Variants in ITPR1 observed in about 807,000 individuals in gnomAD.
The protein encoded by ITPR1 is inositol 1,4,5-trisphosphate-gated calcium channel ITPR1.
In ITPR1, 96 loss-of-function variants were observed where a neutral mutation model predicts 318.4. The observed-to-expected ratio is 0.30, with a 90% CI of 0.26 to 0.36. The LOEUF (loss-of-function observed/expected upper bound fraction) is 0.36. Among genes scored for constraint, ITPR1 ranks in the 10% least tolerant of loss-of-function variants. ITPR1 has a pLI of 1.00. For synonymous variants in ITPR1, 1,312 were observed against 1,289.9 expected, an observed-to-expected ratio of 1.02 and a Z score of -0.37; for missense variants, 2,440 against 3,460.2, an observed-to-expected ratio of 0.71 and a Z score of 7.40.
At chr3:4,641,431 C>T (rs4685783) in intron 6 of ITPR1, among the ~76,000 whole-genome samples, 116,125 of 152,216 alleles carry the variant, frequency 0.76, 45,475 homozygotes, top group East Asian at 1. Flanking sequence ...AGCTGGAGTA[C>T]AGTGGTGTGA....
intron 2 of ITPR1, among the ~76,000 whole-genome samples, chr3:4,499,025 C>A (rs2080819602): frequency 2.0e-5 from 3 of 152,178 alleles, no homozygotes; most frequent in Non-Finnish European, 4.4e-5. Flanking sequence ...TCATGTAGCA[C>A]ACACCTTGGA....
intron 2 of ITPR1, among the ~76,000 whole-genome samples, chr3:4,495,090 G>A (rs537579988): frequency 1.1e-4 from 16 of 152,276 alleles, no homozygotes; most frequent in African/African-American, 3.9e-4. Context: ...TTGTTTTGGG[G>A]CCCGTGGTGG....
chr3:4,679,543 T>A (rs191035836), intron 24 of ITPR1, among the ~76,000 whole-genome samples: 1 of 152,310 alleles, frequency 6.6e-6, no homozygotes, highest in Admixed American at 6.5e-5. Flanking sequence ...TTCCTCCACC[T>A]GTTTGCTCTA....
chr3:4,678,182 A>T (rs1236525600), intron 24 of ITPR1, among the ~76,000 whole-genome samples: 1 of 152,210 alleles, frequency 6.6e-6, no homozygotes, highest in African/African-American at 2.4e-5. Context: ...AAAGTCATGT[A>T]ATTAGGACGA....
intron 21 of ITPR1, 59 bp downstream of exon 21, chr3:4,673,446 C>A: frequency 7.0e-7 from 1 of 1,428,536 alleles, no homozygotes. Flanking sequence ...TAGATAGCCC[C>A]ATATGGTCTC....
In ITPR1 at chr3:4,779,848, CTTTCAATGGCAAAACCACTATTACTTTT is replaced by C. The variant is rs1399418036; in HGVS notation, c.6387+204_6387+231del. Among the ~76,000 whole-genome samples the C allele has an allele frequency of 2.1e-4, 31 of 146,730 alleles. No individual in the cohort carries two copies. Among genetic ancestry groups the C allele is most frequent in the African/African-American group, 7.2e-4 (29 of 40,274 alleles). ...AAAGTAATCGCGGTTTTTGCTATTACTTTCAATGGCAAAACCACTATTACTTTTGCCGTTGAAAGTAATGGCAAAAACC... is the reference window on the plus strand; with the variant it reads ...AAAGTAATCGCGGTTTTTGCTATTACGCCGTTGAAAGTAATGGCAAAAACC... On this transcript the variant is annotated intron_variant, in intron 49 of 61. Transcript: ENST00000649015. The surrounding 1 kb of genome is among the most constrained non-coding windows in gnomAD (Gnocchi z 4.0).
At chr3:4,600,561 C>G (rs905094361) in intron 4 of ITPR1, among the ~76,000 whole-genome samples, 2 of 151,994 alleles carry the variant, frequency 1.3e-5, no homozygotes. Flanking sequence ...TAATTTTTCG[C>G]CTCTAAATTG....
intron 4 of ITPR1, among the ~76,000 whole-genome samples, chr3:4,597,468 C>T (rs930089791): frequency 3.3e-5 from 5 of 152,056 alleles, no homozygotes; most frequent in South Asian, 2.1e-4. Context: ...AAGGAAATGA[C>T]ACAGTAATCC....
chr3:4,495,631 GC>G (rs2080494036), intron 2 of ITPR1, among the ~76,000 whole-genome samples: 1 of 152,316 alleles, frequency 6.6e-6, no homozygotes, highest in African/African-American at 2.4e-5. Context: ...CTAACTGGTT[GC>G]TAAAAATAAT....
intron 58 of ITPR1, 72 bp downstream of exon 58, chr3:4,814,634 G>C (rs971075422): frequency 2.2e-6 from 3 of 1,371,380 alleles, no homozygotes; most frequent in African/African-American, 1.4e-5. Context: ...CCATGCAGCG[G>C]TGTTGAGTGT....
intron 5 of ITPR1, among the ~76,000 whole-genome samples, chr3:4,632,385 G>A (rs150663536): frequency 1.3e-5 from 2 of 152,124 alleles, no homozygotes; most frequent in African/African-American, 4.8e-5. Flanking sequence ...ATTCCTCTTG[G>A]CCATACGGGA....
intron 44 of ITPR1, among the ~76,000 whole-genome samples, chr3:4,763,013 A>G (rs1386945271): frequency 6.6e-6 from 1 of 152,248 alleles, no homozygotes; most frequent in African/African-American, 2.4e-5. Context: ...GTGGAATACT[A>G]TGCAGCCATA....
At chr3:4,684,988 C>T in intron 29 of ITPR1, 81 bp from the exon 30 acceptor site, 1 of 1,427,448 alleles carries the variant, frequency 7.0e-7, no homozygotes, top group South Asian at 1.2e-5. Flanking sequence ...CCCTTTGCCT[C>T]CCTGCCCGCC....
intron 30 of ITPR1, 114 bp downstream of exon 30, chr3:4,685,320 T>C (rs1466245312): frequency 3.1e-5 from 34 of 1,099,608 alleles, no homozygotes; most frequent in Non-Finnish European, 2.5e-6. Flanking sequence ...AGTGTGACTA[T>C]TGTGACTACA....
intron 4 of ITPR1, among the ~76,000 whole-genome samples, chr3:4,596,471 T>C (rs1376465961): frequency 6.6e-6 from 1 of 152,232 alleles, no homozygotes; most frequent in Non-Finnish European, 1.5e-5. Flanking sequence ...TAATCACTTA[T>C]TTAAAGCTAG....
Position 4,831,131 on chromosome 3 carries a change from T to TCTCTCACACACACACACACA in ITPR1, c.8029-5642_8029-5641insTCTCACACACACACACACAC, listed in dbSNP as rs879032970. ...GTCTCTCTCTCTCTCTCTCTCTCTC[T>TCTCTCACACACACACACACA]CACACACACACACACACACACACTC... is the stretch of plus-strand genomic sequence containing the variant. On this transcript the variant is annotated intron_variant, in intron 60 of 61. Transcript: ENST00000649015. The TCTCTCACACACACACACACA allele has an allele frequency of 7.6e-4, 265 of 349,450 alleles. 1 individual carries two copies. Among genetic ancestry groups the TCTCTCACACACACACACACA allele is most frequent in the African/African-American group, 5.5e-3 (213 of 39,078 alleles). The allele number at this position is 349,450 out of a possible 1,614,324, so 21.6% of individuals were successfully genotyped here. A position where few individuals can be genotyped will look rare whatever the true frequency, so the allele number is the denominator to read the frequency against.
In ITPR1 at chr3:4,755,404, ATTTTT is replaced by A. The variant is rs71053440; in HGVS notation, c.5545-11113_5545-11109del. On this transcript the variant is annotated intron_variant, in intron 44 of 61. Coordinates refer to ENST00000649015, the MANE Select transcript of ITPR1 (RefSeq NM_001378452.1). ...GGTGTTTTTTCCCCCAATTAAAAAC[ATTTTT>A]TTTTTTTTTTTTAGACATGGGGTCT... Among the ~76,000 whole-genome samples the A allele has an allele frequency of 5.8e-3, 829 of 143,910 alleles. 7 individuals are homozygous for A. Among genetic ancestry groups the A allele is most frequent in the African/African-American group, 0.019 (733 of 37,932 alleles). The allele number at this position is 143,910 out of a possible 152,430, so 94.4% of individuals were successfully genotyped here.
intron 4 of ITPR1, among the ~76,000 whole-genome samples, chr3:4,531,777 C>G (rs2083435138): frequency 6.6e-6 from 1 of 152,196 alleles, no homozygotes; most frequent in Non-Finnish European, 1.5e-5. Context: ...CTAATGCCCA[C>G]TCAACCTTCA....
intron 32 of ITPR1, 24 bp downstream of exon 32, chr3:4,691,368 A>G: frequency 6.7e-7 from 1 of 1,489,830 alleles, no homozygotes; most frequent in Non-Finnish European, 9.3e-7. Context: ...ATTTCTGTAT[A>G]CCTCCATCTG....
Sources: gnomAD v4.1 joint callset for allele counts (sites outside exome capture counted in the v4.1 genomes callset) on GRCh38, gnomAD v4.1.1 for gene constraint, Gnocchi (gnomAD v3.1) non-coding constraint, MANE v1.5 for transcripts, NCBI Gene and HGNC (gene_info 2026-07-23, HGNC 2026-07-21) for gene names.